RPS6KA2: variants seen among roughly 807,000 people sequenced by gnomAD.
The protein encoded by RPS6KA2 is ribosomal protein S6 kinase alpha-2.
A neutral mutation model predicts 91.8 loss-of-function variants in RPS6KA2; 42 were observed. That is an observed-to-expected ratio of 0.46 (90% confidence interval 0.36 to 0.59). The LOEUF is 0.59. Ranked by LOEUF, RPS6KA2 falls within the 20% of genes least tolerant of loss-of-function variation. The probability of loss-of-function intolerance (pLI) is 0.00; values close to 1 mark genes in which losing one functional copy is unlikely to be tolerated. For synonymous variants in RPS6KA2, 414 were observed against 393.6 expected, an observed-to-expected ratio of 1.05 and a Z score of -0.61; for missense variants, 798 against 978.5, an observed-to-expected ratio of 0.82 and a Z score of 2.46.
At chr6:166,724,160 C>G (rs1790269702) in intron 2 of RPS6KA2, among the ~76,000 whole-genome samples, 1 of 152,056 alleles carries the variant, frequency 6.6e-6, no homozygotes. Flanking sequence ...ATCAAATATG[C>G]TATATTAAGT....
At chr6:166,466,506 C>G (rs1027175879) in intron 11 of RPS6KA2, among the ~76,000 whole-genome samples, 7 of 152,228 alleles carry the variant, frequency 4.6e-5, no homozygotes, top group African/African-American at 1.7e-4. Flanking sequence ...AGAGACTTCT[C>G]TTTCCTACCA....
intron 1 of RPS6KA2, among the ~76,000 whole-genome samples, chr6:166,584,583 G>T (rs1485627535): frequency 6.6e-6 from 1 of 152,148 alleles, no homozygotes; most frequent in South Asian, 2.1e-4. Flanking sequence ...AAAAATGCCT[G>T]GGCATTCTGG....
chr6:166,750,253 T>C (rs1791236001), intron 2 of RPS6KA2, among the ~76,000 whole-genome samples: 1 of 152,126 alleles, frequency 6.6e-6, no homozygotes, highest in Admixed American at 6.5e-5. Context: ...GCTCCCCTCC[T>C]GTGTCCTCAG....
rs1213808632 is a variant in RPS6KA2, at chr6:166,419,780, T to C, written c.1820+102A>G. 17 of 1,045,970 alleles carry C rather than the reference T, an allele frequency of 1.6e-5. No homozygotes were observed. Among genetic ancestry groups the C allele is most frequent in the Middle Eastern group, 2.0e-4 (1 of 4,898 alleles). The allele number at this position is 1,045,970 out of a possible 1,614,324, so 64.8% of individuals were successfully genotyped here. The stretch of plus-strand genomic sequence containing the variant: ...TGCATACACGTTGGGTTTGCCCACA[T>C]GCGCACACTAGGACAGGGCTGGCCC... On this transcript the variant is annotated intron_variant, in intron 18 of 20. Coordinates refer to ENST00000265678, the MANE Select transcript of RPS6KA2 (RefSeq NM_021135.6). This position sits in a 1 kb window ranked among gnomAD's most constrained non-coding sequence, Gnocchi z 5.6.
intron 2 of RPS6KA2, among the ~76,000 whole-genome samples, chr6:166,755,044 C>T (rs993699784): frequency 1.6e-4 from 24 of 152,178 alleles, no homozygotes; most frequent in African/African-American, 5.8e-4. Flanking sequence ...TAACCTGGAA[C>T]ACAGAAAATC....
chr6:166,476,163 G>A (rs1328977710), intron 10 of RPS6KA2, among the ~76,000 whole-genome samples: 1 of 152,216 alleles, frequency 6.6e-6, no homozygotes, highest in Non-Finnish European at 1.5e-5. Flanking sequence ...CATGGAGATG[G>A]AGGCGGAGGT....
upstream of RPS6KA2, among the ~76,000 whole-genome samples, chr6:166,628,156 A>G (rs1422567594): frequency 1.3e-5 from 2 of 152,314 alleles, no homozygotes; most frequent in East Asian, 3.9e-4. Flanking sequence ...CAAGGCCCTC[A>G]GACCCGCTGC....
intron 9 of RPS6KA2, 150 bp from the exon 10 acceptor site, chr6:166,489,071 T>TA: frequency 1.7e-6 from 1 of 589,770 alleles, no homozygotes. Context: ...TTTTATGCTT[T>TA]AAAAGTTACT....
At position 166,580,840 on chromosome 6, in the gene RPS6KA2, GAC is replaced by G. The variant is rs561376896; in HGVS notation, c.100-42058_100-42057del. On this transcript the variant is annotated intron_variant, in intron 1 of 20. Transcript: ENST00000265678. ...GACATTAAATCTTTAAGTGGTTAAA[GAC>G]ACAAAACCCACAGGAATGATTTCTA... 3.3e-5 allele frequency among the ~76,000 whole-genome samples: 5 copies of G among 152,318 alleles called. No homozygotes were observed. In the South Asian group the frequency reaches 8.3e-4, roughly 25 times the overall value.
At chr6:166,497,728 C>A (rs527345906) in intron 8 of RPS6KA2, among the ~76,000 whole-genome samples, 3 of 151,102 alleles carry the variant, frequency 2.0e-5, no homozygotes, top group African/African-American at 7.3e-5. Context: ...GCGGTCAAAA[C>A]TCTGAAGGGA....
chr6:166,564,828 C>A (rs1784446874), intron 1 of RPS6KA2, among the ~76,000 whole-genome samples: 1 of 152,192 alleles, frequency 6.6e-6, no homozygotes, highest in Non-Finnish European at 1.5e-5. Context: ...CATCACCTTT[C>A]TGAGAGTCCT....
chr6:166,417,620 TACACACACACACAC>T (rs10568123), intron 19 of RPS6KA2, among the ~76,000 whole-genome samples: 9 of 148,592 alleles, frequency 6.1e-5, no homozygotes, highest in Non-Finnish European at 9.0e-5. Context: ...TCTCTCTCTA[TACACACACACACAC>T]ACACACACAC....
intron 3 of RPS6KA2, among the ~76,000 whole-genome samples, chr6:166,526,244 G>A (rs535990273): frequency 4.0e-5 from 6 of 151,692 alleles, no homozygotes; most frequent in Non-Finnish European, 5.9e-5. Context: ...ACGGAAAGCC[G>A]AAACAGTATA....
At position 166,533,476 on chromosome 6, in the gene RPS6KA2, G is replaced by A. The variant is rs1783367166; in HGVS notation, c.217-2163C>T. On this transcript the variant is annotated intron_variant, in intron 2 of 20. Transcript: ENST00000265678. This position sits in a 1 kb window ranked among gnomAD's most constrained non-coding sequence, Gnocchi z 4.0. Reference sequence around the variant, plus strand: ...AAGGGACAGTTGTGTTTGTGGCAGGGACGCCACATTTCCCCGGCATCCTGC... The same window carrying A: ...AAGGGACAGTTGTGTTTGTGGCAGGAACGCCACATTTCCCCGGCATCCTGC... 6.6e-6 allele frequency among the ~76,000 whole-genome samples: 1 copy of A among 152,256 alleles called. No homozygotes were observed. The highest frequency in any genetic ancestry group is 2.1e-4 in the South Asian group (1 of 4,838).
intron 2 of RPS6KA2, among the ~76,000 whole-genome samples, chr6:166,817,428 C>A (rs923433342): frequency 1.3e-4 from 19 of 151,980 alleles, no homozygotes; most frequent in African/African-American, 4.6e-4. Flanking sequence ...CACCCTAAAC[C>A]ATAAAACAGT....
chr6:166,593,862 G>A (rs1000058623), intron 1 of RPS6KA2, among the ~76,000 whole-genome samples: 2 of 152,160 alleles, frequency 1.3e-5, no homozygotes, highest in Admixed American at 6.5e-5. Flanking sequence ...ATGATAAAAT[G>A]ATATCAAAAA....
At chr6:166,768,743 T>A (rs1213347613) in intron 2 of RPS6KA2, among the ~76,000 whole-genome samples, 1 of 152,150 alleles carries the variant, frequency 6.6e-6, no homozygotes, top group Admixed American at 6.5e-5. Context: ...TGCTCCCGGG[T>A]GACGCTGTGT....
chr6:166,558,823 C>G (rs1784254967), intron 1 of RPS6KA2, among the ~76,000 whole-genome samples: 1 of 152,178 alleles, frequency 6.6e-6, no homozygotes, highest in Admixed American at 6.5e-5. Flanking sequence ...ACACGTGAAC[C>G]CATGATGACA....
chr6:166,682,565 T>G (rs1415429966), intron 2 of RPS6KA2, among the ~76,000 whole-genome samples: 1 of 152,152 alleles, frequency 6.6e-6, no homozygotes, highest in Non-Finnish European at 1.5e-5. Context: ...CTCCAGGGTC[T>G]AGAACAGAGT....
Sources: allele counts gnomAD v4.1 joint callset (sites outside exome capture counted in the v4.1 genomes callset), GRCh38; gene constraint gnomAD v4.1.1; non-coding constraint Gnocchi (gnomAD v3.1); transcripts MANE v1.5; gene names NCBI Gene and HGNC (gene_info 2026-07-23, HGNC 2026-07-21).